VPS41: variants seen among roughly 807,000 people sequenced by gnomAD.
The protein encoded by VPS41 is VPS41 subunit of HOPS complex.
In VPS41, 85 loss-of-function variants were observed where a neutral mutation model predicts 130.9. That is an observed-to-expected ratio of 0.65 (90% CI 0.55 to 0.78). The LOEUF (loss-of-function observed/expected upper bound fraction) is 0.78, where lower values mean the gene tolerates loss of function less well. VPS41 is among the 30% of genes least tolerant of loss of function. The pLI, the probability that VPS41 is intolerant of heterozygous loss-of-function variation, is 0.00. For missense variants in VPS41, 874 were observed against 1,018.7 expected (o/e 0.86, Z 1.93); for synonymous variants, 335 against 332.9 (o/e 1.01, Z -0.07).
intron 12 of VPS41, among the ~76,000 whole-genome samples, chr7:38,773,236 C>A (rs1264722538): frequency 6.6e-6 from 1 of 152,100 alleles, no homozygotes; most frequent in Admixed American, 6.6e-5. Context: ...GGGTTTCCTG[C>A]AGAATTCAAT....
At chr7:38,879,599 G>T (rs1172263829) in intron 2 of VPS41, among the ~76,000 whole-genome samples, 1 of 152,170 alleles carries the variant, frequency 6.6e-6, no homozygotes, top group Non-Finnish European at 1.5e-5. Flanking sequence ...CCAGGGTGAG[G>T]GTGGTGGTGA....
At chr7:38,858,092 T>C (rs1335739659) in intron 4 of VPS41, among the ~76,000 whole-genome samples, 5 of 152,230 alleles carry the variant, frequency 3.3e-5, no homozygotes, top group African/African-American at 9.6e-5. Flanking sequence ...AGAGGTAATA[T>C]ACGGCAAACG....
chr7:38,726,935 T>C lies in VPS41; in HGVS notation c.2458A>G (p.Lys820Glu). The change falls in exon 28 of 29, where the codon AAG (lysine) becomes GAG (glutamate). Residue 820 changes from lysine to glutamate, a missense_variant. Coordinates refer to ENST00000310301, the MANE Select transcript of VPS41 (RefSeq NM_014396.4). Reference protein sequence around the residue: ...VVFHCRHMFHKECLPMPSMNS... With the variant: ...VVFHCRHMFHEECLPMPSMNS... ...ATGCTGGGCATGGGCAGGCACTCCTTGTGGAACATGTGCCGGCAATGGAAG... is the reference window on the plus strand; with the variant it reads ...ATGCTGGGCATGGGCAGGCACTCCTCGTGGAACATGTGCCGGCAATGGAAG... 2 of 1,589,204 alleles carry C rather than the reference T, an allele frequency of 1.3e-6. No homozygotes were observed. Among genetic ancestry groups the C allele is most frequent in the Non-Finnish European group, 1.7e-6 (2 of 1,167,728 alleles).
At chr7:38,780,852 A>C (rs1217610684) in intron 10 of VPS41, among the ~76,000 whole-genome samples, 2 of 152,186 alleles carry the variant, frequency 1.3e-5, no homozygotes, top group Non-Finnish European at 2.9e-5. Flanking sequence ...GTTTTAGCAC[A>C]ATCCTCTTGG....
chr7:38,818,671 C>T (rs1243495067), intron 6 of VPS41, among the ~76,000 whole-genome samples: 2 of 152,196 alleles, frequency 1.3e-5, no homozygotes, highest in African/African-American at 4.8e-5. Context: ...TGGCTGTAAG[C>T]TTGCATAGAC....
chr7:38,823,640 T>C (rs1584413311), intron 5 of VPS41, among the ~76,000 whole-genome samples: 2 of 152,210 alleles, frequency 1.3e-5, no homozygotes, highest in Admixed American at 6.5e-5. Context: ...TTTTGGGAAA[T>C]AGATTCATGC....
chr7:38,905,216 C>G (rs1787233520), intron 1 of VPS41, among the ~76,000 whole-genome samples: 1 of 152,072 alleles, frequency 6.6e-6, no homozygotes, highest in African/African-American at 2.4e-5. Context: ...CTTGAGGACT[C>G]AGCAATCTCT....
rs568485873 is a variant in VPS41, at chr7:38,788,780, A to G, written c.784+1021T>C. On this transcript the variant is annotated intron_variant, in intron 10 of 28. Transcript: ENST00000310301. ...ATCTGAACTATGTAGTTATACTCCT[A>G]AAGTTAAAAAAAAAGATTAAAACTC... Among the ~76,000 whole-genome samples, 267 of 152,248 alleles carry G rather than the reference A, an allele frequency of 1.8e-3. 1 individual carries two copies. The highest frequency in any genetic ancestry group is 6.0e-3 in the African/African-American group (251 of 41,546).
intron 2 of VPS41, among the ~76,000 whole-genome samples, chr7:38,879,790 C>A (rs113853964): frequency 6.6e-6 from 1 of 151,936 alleles, no homozygotes; most frequent in Admixed American, 6.5e-5. Context: ...CTCACTCCCC[C>A]ACTGCGCACA....
chr7:38,763,024 T>A (rs1352539280), intron 17 of VPS41, among the ~76,000 whole-genome samples: 4 of 152,204 alleles, frequency 2.6e-5, no homozygotes, highest in Non-Finnish European at 5.9e-5. Context: ...TAAATTTTTT[T>A]AAATGCTTAA....
intron 7 of VPS41, 87 bp downstream of exon 7, chr7:38,817,730 G>T: frequency 9.2e-7 from 1 of 1,086,026 alleles, no homozygotes; most frequent in Non-Finnish European, 1.4e-6. Flanking sequence ...TGAATAGCCA[G>T]ACATAAAAAC....
chr7:38,795,053 C>A lies in VPS41; in HGVS notation c.717+412G>T, dbSNP rs1003229524. On this transcript the variant is annotated intron_variant, in intron 9 of 28. Transcript: ENST00000310301. ...AAGCAGCAGGATGATTTAATTTTAA[C>A]CTTCTCTCTCCACTATCAATAACTC... 2.0e-5 allele frequency among the ~76,000 whole-genome samples: 3 copies of A among 152,192 alleles called. No homozygotes were observed. The East Asian group carries it at 5.8e-4, about 29-fold the overall frequency.
At chr7:38,834,190 A>G (rs967307466) in intron 4 of VPS41, among the ~76,000 whole-genome samples, 3 of 152,084 alleles carry the variant, frequency 2.0e-5, no homozygotes, top group Admixed American at 1.3e-4. Flanking sequence ...TTAGGAAAAT[A>G]TTGCACTTAA....
chr7:38,854,527 A>G (rs1477651983), intron 4 of VPS41, among the ~76,000 whole-genome samples: 1 of 152,224 alleles, frequency 6.6e-6, no homozygotes, highest in East Asian at 1.9e-4. Flanking sequence ...TGGCATCTGT[A>G]TTAACTGTCA....
chr7:38,758,484 A>C lies in VPS41; in HGVS notation c.1423-3T>G. On this transcript the variant is annotated splice_polypyrimidine_tract_variant and splice_region_variant and intron_variant, in intron 17 of 28. Coordinates refer to ENST00000310301, the MANE Select transcript of VPS41 (RefSeq NM_014396.4). ...TCTCGGATCAATGTGGCAAAACCCT[A>C]ACCAAAGGTGAAAAACAGAAAAAGA... is the stretch of plus-strand genomic sequence containing the variant. 2 of 1,603,916 alleles carry C rather than the reference A, an allele frequency of 1.2e-6. No homozygotes were observed. Among genetic ancestry groups the C allele is most frequent in the Non-Finnish European group, 1.7e-6 (2 of 1,177,530 alleles).
At chr7:38,797,198 G>A (rs878857313) in intron 7 of VPS41, among the ~76,000 whole-genome samples, 26 of 152,088 alleles carry the variant, frequency 1.7e-4, no homozygotes, top group Admixed American at 6.5e-4. Context: ...TGATTGTCCG[G>A]GAACTAATTT....
intron 2 of VPS41, among the ~76,000 whole-genome samples, chr7:38,885,140 C>G (rs543882633): frequency 4.3e-4 from 65 of 152,278 alleles, no homozygotes; most frequent in African/African-American, 1.5e-3. Context: ...GTGGCACAAT[C>G]TCGGCTCACG....
intron 10 of VPS41, among the ~76,000 whole-genome samples, chr7:38,788,330 C>T (rs1265794238): frequency 6.6e-6 from 1 of 152,130 alleles, no homozygotes; most frequent in East Asian, 1.9e-4. Flanking sequence ...GTAGTAAGAT[C>T]CTGGACAAGT....
intron 6 of VPS41, among the ~76,000 whole-genome samples, chr7:38,819,973 T>C (rs1785138044): frequency 6.6e-6 from 1 of 152,160 alleles, no homozygotes; most frequent in East Asian, 1.9e-4. Flanking sequence ...CGTCCCCACC[T>C]GATGTACTAC....
Sources: gnomAD v4.1 joint callset for allele counts (sites outside exome capture counted in the v4.1 genomes callset) on GRCh38, gnomAD v4.1.1 for gene constraint, MANE v1.5 for transcripts, NCBI Gene and HGNC (gene_info 2026-07-23, HGNC 2026-07-21) for gene names.